The following LTF variants were observed in gnomAD, a reference collection of about 807,000 sequenced individuals.
LTF encodes lactotransferrin, also known as epididymis luminal protein 110.
Under a neutral mutation model 87.2 loss-of-function variants are expected in LTF, and 91 were observed. That is an observed-to-expected ratio of 1.04 (90% CI 0.88 to 1.24). LTF has a LOEUF of 1.24. Ranked by LOEUF, LTF falls within the 50% of genes most tolerant of loss-of-function variation. LTF has a pLI of 0.00. For synonymous variants in LTF, 378 were observed against 356.1 expected (o/e 1.06, Z -0.69); for missense variants, 901 against 904.3 (o/e 1.00, Z 0.05).
rs1559614791 is a variant in LTF at position 46,482,648 on chromosome 3, GAAAGAAAGAAA to G, written c.-320+2327_-320+2337del. On this transcript the variant is annotated intron_variant, in intron 1 of 19. Coordinates refer to the LTF transcript ENST00000443496. ...AGAAAGAAAGAAAGAAAGAAAGAAA[GAAAGAAAGAAA>G]GAAGGAAGGAAGGAAGGAAGGAAGG... Among the ~76,000 whole-genome samples, 71 of 100,058 alleles carry G rather than the reference GAAAGAAAGAAA, an allele frequency of 7.1e-4. 1 individual carries two copies. The highest frequency in any genetic ancestry group is 2.2e-3 in the African/African-American group (56 of 24,998). The allele number at this position is 100,058 out of a possible 152,430, so 65.6% of individuals were successfully genotyped here. A position where few individuals can be genotyped will look rare whatever the true frequency, so the allele number is the denominator to read the frequency against.
intron 1 of LTF, among the ~76,000 whole-genome samples, chr3:46,460,280 G>A (rs1448351244): frequency 1.3e-5 from 2 of 152,178 alleles, no homozygotes; most frequent in Non-Finnish European, 2.9e-5. Context: ...GAGAATCCAC[G>A]TCTCTCTAGA....
Position 46,449,986 on chromosome 3 carries a change from C to A in LTF, c.925G>T (p.Gly309Cys), listed in dbSNP as rs1443652728. Residue 309 changes from glycine (G) to cysteine (C), a missense_variant, in exon 8 of 17, where the codon GGC (glycine) becomes TGC (cysteine). Transcript: ENST00000231751. ...AGATCTTTCTGCCCACTAGGGGAGC[C>A]AAAGAGCTGGAATTTCGGTGACTTG... The part of the protein sequence containing the change: ...KDKSPKFQLF[G>C]SPSGQKDLLF... 1 of 1,610,250 alleles carries A rather than the reference C, an allele frequency of 6.2e-7. No homozygotes were observed.
At chr3:46,454,499 G>A in intron 5 of LTF, 139 bp from the exon 6 acceptor site, 1 of 791,072 alleles carries the variant, frequency 1.3e-6, no homozygotes, top group Non-Finnish European at 2.2e-6. Context: ...GGGCATCCCA[G>A]CTGGGAAGGT....
At chr3:46,460,805 T>C (rs1298513077) in intron 1 of LTF, among the ~76,000 whole-genome samples, 2 of 151,990 alleles carry the variant, frequency 1.3e-5, no homozygotes, top group Admixed American at 6.6e-5. Flanking sequence ...TGATCTTCTA[T>C]GTAGAAAATA....
chr3:46,483,432 A>G (rs935528853), intron 1 of LTF, among the ~76,000 whole-genome samples: 10 of 152,258 alleles, frequency 6.6e-5, no homozygotes. Flanking sequence ...CTATCAACTA[A>G]GCAGTGAGAA....
At position 46,464,885 on chromosome 3, in the gene LTF, G is replaced by T; in HGVS notation, c.-18C>A. 5 of 1,613,844 alleles carry T rather than the reference G, an allele frequency of 3.1e-6. No homozygotes were observed. Among genetic ancestry groups the T allele is most frequent in the Non-Finnish European group, 4.2e-6 (5 of 1,179,912 alleles). The stretch of plus-strand genomic sequence containing the variant: ...AGTTTCATGTCTGCGGTCTGGAGGC[G>T]ACTTGGCAAACGAAGGCTCTGCCAC... On this transcript the variant is annotated 5_prime_UTR_variant, in exon 1 of 17. Transcript: ENST00000231751.
At chr3:46,449,132 G>C (rs903292762) in intron 8 of LTF, 115 bp from the exon 9 acceptor site, 1 of 928,416 alleles carries the variant, frequency 1.1e-6, no homozygotes, top group Non-Finnish European at 1.6e-6. Context: ...TACAGTACAT[G>C]TGTGGACATG....
intron 1 of LTF, among the ~76,000 whole-genome samples, chr3:46,472,531 A>T (rs71327067): frequency 0.11 from 10,556 of 95,594 alleles, 380 homozygotes; most frequent in Middle Eastern, 0.19. Flanking sequence ...TGTGTGTGAG[A>T]GAGAGAGAGA....
upstream of LTF, among the ~76,000 whole-genome samples, chr3:46,465,738 G>T (rs1398059165): frequency 6.6e-6 from 1 of 151,966 alleles, no homozygotes; most frequent in African/African-American, 2.4e-5. Flanking sequence ...CTAGAATACT[G>T]CTTCTAAGAA....
intron 13 of LTF, among the ~76,000 whole-genome samples, chr3:46,442,914 G>T (rs1020304279): frequency 6.6e-6 from 1 of 152,172 alleles, no homozygotes; most frequent in Non-Finnish European, 1.5e-5. Context: ...AAGTCACTAA[G>T]TGGTTATAAC....
intron 15 of LTF, 64 bp from the exon 16 acceptor site, chr3:46,438,193 A>C: frequency 7.4e-7 from 1 of 1,354,418 alleles, no homozygotes; most frequent in Admixed American, 1.9e-5. Context: ...TAAAGGAGGC[A>C]AAGGGGTATT....
Position 46,449,025 on chromosome 3 carries a change from A to G in LTF, c.1058-8T>C. ...CAGCCACTTCCTCCTCACCTGCCAG[A>G]GGGAAGACCGCAGGTGGCTGGGCAA... On this transcript the variant is annotated splice_polypyrimidine_tract_variant and splice_region_variant and intron_variant, in intron 8 of 16. Transcript: ENST00000231751. The G allele has an allele frequency of 6.2e-7, 1 of 1,602,938 alleles. No homozygotes were observed. Among genetic ancestry groups the G allele is most frequent in the Non-Finnish European group, 8.5e-7 (1 of 1,175,464 alleles).
At chr3:46,458,502 T>C (rs2106889594) in intron 2 of LTF, among the ~76,000 whole-genome samples, 1 of 152,334 alleles carries the variant, frequency 6.6e-6, no homozygotes, top group South Asian at 2.1e-4. Context: ...TATATTCAGA[T>C]TGAGTAGGTT....
At chr3:46,463,473 G>A in intron 1 of LTF, 2 of 985,808 alleles carry the variant, frequency 2.0e-6, no homozygotes, top group Non-Finnish European at 2.4e-6. Flanking sequence ...ACACCCACGG[G>A]GAGCAGGGCA....
In LTF at chr3:46,436,645, A is replaced by C. The variant is rs149837129; in HGVS notation, c.2099-416T>G. Among the ~76,000 whole-genome samples, 48 of 152,338 alleles carry C rather than the reference A, an allele frequency of 3.2e-4. 3 individuals carry two copies. The East Asian group carries it at 9.2e-3, about 29-fold the overall frequency. Reference sequence around the variant, plus strand: ...CCTGCTTTGTGTGAGTTGCTGTGCTAAGTGCTGGGGACACAGCATGGATAG... The same window carrying C: ...CCTGCTTTGTGTGAGTTGCTGTGCTCAGTGCTGGGGACACAGCATGGATAG... On this transcript the variant is annotated intron_variant, in intron 16 of 16. Coordinates refer to ENST00000231751, the MANE Select transcript of LTF (RefSeq NM_002343.6).
Position 46,446,473 on chromosome 3 carries a change from G to A in LTF, c.1324C>T (p.Pro442Ser). 1 of 1,613,800 alleles carries A rather than the reference G, an allele frequency of 6.2e-7. No homozygotes were observed. The highest frequency in any genetic ancestry group is 8.5e-7 in the Non-Finnish European group (1 of 1,179,866). The change falls in exon 11 of 17, where the codon CCT becomes TCT. Residue 442 changes from proline to serine, a missense_variant. Coordinates refer to ENST00000231751, the MANE Select transcript of LTF (RefSeq NM_002343.6). ...GGTCTATCCACACAGTTAGGATCAG[G>A]GTCACTGCTTTGTTGGGATTCTGAA... ...ENYKSQQSSD[P>S]DPNCVDRPVE... is the part of the protein sequence containing the mutation.
At chr3:46,459,309 C>A (rs1369441627) in intron 2 of LTF, among the ~76,000 whole-genome samples, 1 of 152,216 alleles carries the variant, frequency 6.6e-6, no homozygotes, top group Non-Finnish European at 1.5e-5. Context: ...GAGGTCATGA[C>A]TCTTTTGGAG....
At chr3:46,462,755 G>A (rs1002617919) in intron 1 of LTF, among the ~76,000 whole-genome samples, 1 of 152,102 alleles carries the variant, frequency 6.6e-6, no homozygotes, top group African/African-American at 2.4e-5. Flanking sequence ...ACCAGGGAAG[G>A]GCTAGTCTGA....
rs973574666 is a variant in LTF at position 46,475,190 on chromosome 3, T to C, written c.-319-4724A>G. Among the ~76,000 whole-genome samples, 5 of 152,256 alleles carry C rather than the reference T, an allele frequency of 3.3e-5. No homozygotes were observed. In the South Asian group the frequency reaches 1.0e-3, roughly 32 times the overall value. On this transcript the variant is annotated intron_variant, in intron 1 of 19. Transcript: ENST00000443496. ...ATACATTTGACAACTGATATGAAAT[T>C]GACCAATTTCTCCAAAAAAACAAAC...
Sources: allele counts gnomAD v4.1 joint callset (sites outside exome capture counted in the v4.1 genomes callset), GRCh38; gene constraint gnomAD v4.1.1; transcripts MANE v1.5; gene names NCBI Gene and HGNC (gene_info 2026-07-23, HGNC 2026-07-21).